N4BP2: variants seen among roughly 807,000 people sequenced by gnomAD.
N4BP2 encodes the protein NEDD4 binding protein 2.
N4BP2 carries 91 observed loss-of-function variants against 152.8 expected under a neutral mutation model. The ratio of observed to expected loss-of-function variants is 0.60; its 90% CI spans 0.50 to 0.71. The LOEUF is 0.71. N4BP2 is among the 30% of genes least tolerant of loss of function. N4BP2 has a pLI of 0.00. For missense variants in N4BP2, 1,923 were observed against 2,059.1 expected, an observed-to-expected ratio of 0.93 and a Z score of 1.28; for synonymous variants, 646 against 705.3, an observed-to-expected ratio of 0.92 and a Z score of 1.33.
In N4BP2 at chr4:40,112,086, AAAG is replaced by A; in HGVS notation, c.1505_1507del (p.Glu502del). 6.8e-7 allele frequency: 1 copy of A among 1,478,000 alleles called. No individual in the cohort carries two copies. The highest frequency in any genetic ancestry group is 9.3e-7 in the Non-Finnish European group (1 of 1,077,814). The allele number at this position is 1,478,000 out of a possible 1,614,324, so 91.6% of individuals were successfully genotyped here. ...TTTAATTATGTTATGTTTTTCAGCA[AAAG>A]AAGCATTTGAGAAGAAGATATCTCC... On this transcript the variant is annotated inframe_deletion, in exon 6 of 18. Transcript: ENST00000261435.
chr4:40,067,386 T>C (rs1578942243), intron 1 of N4BP2, among the ~76,000 whole-genome samples: 1 of 151,198 alleles, frequency 6.6e-6, no homozygotes, highest in Non-Finnish European at 1.5e-5. Context: ...TGAATAATAT[T>C]CCATTGTATG....
intron 1 of N4BP2, among the ~76,000 whole-genome samples, chr4:40,057,668 T>G (rs997319957): frequency 2.6e-5 from 4 of 152,098 alleles, no homozygotes; most frequent in Non-Finnish European, 5.9e-5. Context: ...AGCCCCTCTC[T>G]CATCGGGACT....
rs150228309 is a variant in N4BP2, at chr4:40,101,451, C to T, written c.230-624C>T. On this transcript the variant is annotated intron_variant, in intron 3 of 17. Coordinates refer to ENST00000261435, the MANE Select transcript of N4BP2 (RefSeq NM_018177.6). Reference sequence around the variant, plus strand: ...CTGGGATTACAGGCATGAGCAACCACGCCAAAAAGTGTGCATTATTTAATC... The same window carrying T: ...CTGGGATTACAGGCATGAGCAACCATGCCAAAAAGTGTGCATTATTTAATC... 2.5e-3 allele frequency among the ~76,000 whole-genome samples: 376 copies of T among 152,222 alleles called. 1 individual carries two copies. Among genetic ancestry groups the T allele is most frequent in the African/African-American group, 6.9e-3 (288 of 41,550 alleles).
intron 2 of N4BP2, among the ~76,000 whole-genome samples, chr4:40,094,063 A>T (rs922902933): frequency 2.0e-5 from 3 of 152,156 alleles, no homozygotes; most frequent in African/African-American, 7.2e-5. Context: ...TTGATATGGT[A>T]TATTTTCATT....
intron 13 of N4BP2, among the ~76,000 whole-genome samples, chr4:40,133,141 A>AT (rs1002085094): frequency 2.0e-5 from 3 of 151,828 alleles, no homozygotes; most frequent in African/African-American, 7.3e-5. Context: ...CTTATCATTT[A>AT]TTTTTTACTG....
the N4BP2 span, among the ~76,000 whole-genome samples, chr4:40,166,208 C>T: frequency 4.0e-4 from 61 of 152,128 alleles, no homozygotes; most frequent in Non-Finnish European, 7.3e-4. Context: ...CAAATACCCC[C>T]ACAGTAATAA....
rs1032000754 is a variant in N4BP2 at position 40,156,468 on chromosome 4, T to C, written c.*2231T>C. 2 of 152,176 alleles carry C rather than the reference T, an allele frequency of 1.3e-5. No homozygotes were observed. Among genetic ancestry groups the C allele is most frequent in the South Asian group, 4.1e-4 (2 of 4,838 alleles). 9.4% of individuals were successfully genotyped at this position (152,176 alleles called of 1,614,324 possible). ...ATACAGGCAAAGTTTGAGCATCATA[T>C]GTATTTTTATGAAGCTGCTTAATTC... On this transcript the variant is annotated 3_prime_UTR_variant, in exon 18 of 18. Coordinates refer to ENST00000261435, the MANE Select transcript of N4BP2 (RefSeq NM_018177.6).
At chr4:40,116,619 A>G (rs1717362595) in intron 7 of N4BP2, among the ~76,000 whole-genome samples, 1 of 152,182 alleles carries the variant, frequency 6.6e-6, no homozygotes, top group Non-Finnish European at 1.5e-5. Context: ...CTCATTGTCC[A>G]GAATATACAG....
At chr4:40,152,939 G>T in intron 17 of N4BP2, 36 bp downstream of exon 17, 2 of 1,603,402 alleles carry the variant, frequency 1.2e-6, no homozygotes, top group South Asian at 2.2e-5. Context: ...AATGGCAACT[G>T]CCCATATAGA....
chr4:40,158,385 TC>T (rs1486319474), downstream of N4BP2: 4 of 152,190 alleles, frequency 2.6e-5, no homozygotes, highest in African/African-American at 9.7e-5. Context: ...CCAAAACTTT[TC>T]TTCTGGTTTA....
rs530498456 is a variant in N4BP2 at position 40,122,663 on chromosome 4, C to G, written c.4198+354C>G. ...CATTTCTGGAGGACTTTAAAAAATA[C>G]AATAGGAAGAAATAGAGAATATTTA... On this transcript the variant is annotated intron_variant, in intron 9 of 17. Transcript: ENST00000261435. Among the ~76,000 whole-genome samples, 10 of 152,266 alleles carry G rather than the reference C, an allele frequency of 6.6e-5. No individual in the cohort carries two copies. In the East Asian group the frequency reaches 1.9e-3, roughly 29 times the overall value.
intron 1 of N4BP2, among the ~76,000 whole-genome samples, chr4:40,068,755 C>T (rs900833907): frequency 7.9e-5 from 12 of 152,108 alleles, no homozygotes; most frequent in Non-Finnish European, 5.9e-5. Context: ...AGTATGAGGC[C>T]TCCAGTTTTG....
Position 40,120,153 on chromosome 4 carries a change from C to T in N4BP2, c.2042C>T (p.Pro681Leu), listed in dbSNP as rs1261123923. The T allele has an allele frequency of 6.2e-7, 1 of 1,613,012 alleles. No homozygotes were observed. Among genetic ancestry groups the T allele is most frequent in the South Asian group, 1.1e-5 (1 of 91,022 alleles). Residue 681 changes from proline to leucine, a missense_variant, in exon 9 of 18, where the codon CCA becomes CTA. Transcript: ENST00000261435. ...CAAAGTGCTTTAATTCTGGAAACTC[C>T]ACACATGTATTTTTCTGACTCTGAA... Reference protein sequence around the residue: ...SIQSALILETPHMYFSDSESK... With the variant: ...SIQSALILETLHMYFSDSESK...
chr4:40,105,289 G>C (rs949497407), intron 4 of N4BP2, among the ~76,000 whole-genome samples: 1 of 152,064 alleles, frequency 6.6e-6, no homozygotes. Context: ...AGAGAAGTTG[G>C]GTAGTAGTTG....
chr4:40,097,458 A>G lies in N4BP2; in HGVS notation c.118A>G (p.Met40Val), dbSNP rs374283929. ...REEPTTTLPS[M>V]GETKVDQEEL... ...GGAGCCAACCACTACTCTACCTTCC[A>G]TGGGTGAGACAAAAGTTGATCAGGA... Residue 40 changes from methionine (M) to valine (V), a missense_variant, in exon 3 of 18, where the codon ATG (methionine) becomes GTG (valine). Coordinates refer to ENST00000261435, the MANE Select transcript of N4BP2 (RefSeq NM_018177.6). 34 of 1,613,952 alleles carry G rather than the reference A, an allele frequency of 2.1e-5. No homozygotes were observed. In the South Asian group the frequency reaches 3.7e-4, roughly 18 times the overall value.
At chr4:40,061,101 C>T (rs1733621962) in intron 1 of N4BP2, among the ~76,000 whole-genome samples, 1 of 152,040 alleles carries the variant, frequency 6.6e-6, no homozygotes, top group African/African-American at 2.4e-5. Flanking sequence ...AGGTGTGAGC[C>T]ACCACCCTCA....
At position 40,120,884 on chromosome 4, in the gene N4BP2, A is replaced by G. The variant is rs1364772224; in HGVS notation, c.2773A>G (p.Thr925Ala). ...NDKMNEISLS[T>A]AHEACWGTSS... ...CAAAATGAATGAAATATCCTTATCT[A>G]CAGCACATGAGGCCTGTTGGGGCAC... Residue 925 changes from threonine (T) to alanine (A), a missense_variant, in exon 9 of 18, where the codon ACA becomes GCA. Coordinates refer to ENST00000261435, the MANE Select transcript of N4BP2 (RefSeq NM_018177.6). 9.3e-6 allele frequency: 15 copies of G among 1,613,998 alleles called. No homozygotes were observed. Among genetic ancestry groups the G allele is most frequent in the Non-Finnish European group, 1.2e-5 (14 of 1,180,018 alleles).
At chr4:40,147,462 G>T in intron 16 of N4BP2, among the ~76,000 whole-genome samples, 1 of 152,034 alleles carries the variant, frequency 6.6e-6, no homozygotes, top group South Asian at 2.1e-4. Flanking sequence ...CCGGGCAGAG[G>T]GGCTCCTCAC....
chr4:40,066,940 G>T (rs905972372), intron 1 of N4BP2, among the ~76,000 whole-genome samples: 1 of 151,714 alleles, frequency 6.6e-6, no homozygotes, highest in Non-Finnish European at 1.5e-5. Context: ...CCGCATATAA[G>T]TAGAAACATG....
Sources: allele counts gnomAD v4.1 joint callset (sites outside exome capture counted in the v4.1 genomes callset), GRCh38; gene constraint gnomAD v4.1.1; transcripts MANE v1.5; gene names NCBI Gene and HGNC (gene_info 2026-07-23, HGNC 2026-07-21).